The following FARP1 variants were observed in gnomAD, a reference collection of about 807,000 sequenced individuals.
The protein encoded by FARP1 is FERM, ARH/RhoGEF and pleckstrin domain protein 1.
Under a neutral mutation model 128.8 loss-of-function variants are expected in FARP1, and 52 were observed. The ratio of observed to expected loss-of-function variants is 0.40; its 90% CI spans 0.32 to 0.51. FARP1 has a LOEUF of 0.51. Ranked by LOEUF, FARP1 falls within the 20% of genes least tolerant of loss-of-function variation. FARP1 has a pLI of 0.45. For missense variants in FARP1, 1,333 were observed against 1,367.9 expected, an observed-to-expected ratio of 0.97 and a Z score of 0.40; for synonymous variants, 580 against 551.8, an observed-to-expected ratio of 1.05 and a Z score of -0.72.
intron 2 of FARP1, among the ~76,000 whole-genome samples, chr13:98,223,696 G>A (rs1881570974): frequency 6.6e-6 from 1 of 152,346 alleles, no homozygotes. Context: ...AGGATTCTTA[G>A]TGATTATGTA....
chr13:98,319,485 T>TA (rs1356317911), intron 2 of FARP1, among the ~76,000 whole-genome samples: 1 of 152,046 alleles, frequency 6.6e-6, no homozygotes, highest in African/African-American at 2.4e-5. Flanking sequence ...CCAGGCGTGG[T>TA]AGCAGGCACC....
At chr13:98,341,061 G>A (rs1472381540) in intron 2 of FARP1, 1 of 132,252 alleles carries the variant, frequency 7.6e-6, no homozygotes, top group Non-Finnish European at 1.6e-5. Context: ...CTAGAGCCTG[G>A]AGAGTTTGGG....
At chr13:98,439,771 G>A (rs1892446174) in intron 21 of FARP1, among the ~76,000 whole-genome samples, 190 bp from the exon 22 acceptor site, 2 of 152,278 alleles carry the variant, frequency 1.3e-5, no homozygotes, top group East Asian at 1.9e-4. Context: ...TCAGTGTGCC[G>A]CGATCTTCCT....
intron 2 of FARP1, among the ~76,000 whole-genome samples, chr13:98,272,241 G>A (rs73556883): frequency 0.046 from 6,959 of 152,078 alleles, 517 homozygotes; most frequent in African/African-American, 0.16. Context: ...TGTTGGCCAG[G>A]CTTGCCTTGA....
chr13:98,259,264 T>C (rs184320876), intron 2 of FARP1, among the ~76,000 whole-genome samples: 282 of 152,294 alleles, frequency 1.9e-3, no homozygotes, highest in Middle Eastern at 3.4e-3. Context: ...TGTGTATATA[T>C]AGAGTATATG....
At chr13:98,155,531 T>C (rs892817224) in intron 1 of FARP1, among the ~76,000 whole-genome samples, 4 of 151,922 alleles carry the variant, frequency 2.6e-5, no homozygotes, top group African/African-American at 7.3e-5. Context: ...ATTTTACTTA[T>C]TTATTTTTGA....
At chr13:98,365,558 T>G (rs1889047133) in intron 4 of FARP1, 121 bp downstream of exon 4, 1 of 622,874 alleles carries the variant, frequency 1.6e-6, no homozygotes, top group Non-Finnish European at 2.8e-6. Context: ...ACCCCATAAT[T>G]GCTTTTCATC....
At chr13:98,408,721 G>A (rs1453228655) in intron 13 of FARP1, among the ~76,000 whole-genome samples, 1 of 152,184 alleles carries the variant, frequency 6.6e-6, no homozygotes, top group African/African-American at 2.4e-5. Context: ...ATATAATGAC[G>A]TCTGCTTTTG....
rs150520872 is a variant in FARP1 at position 98,280,742 on chromosome 13, C to A, written c.172-63020C>A. ...TTCATCCCTCAACTTCTTTACTGAT[C>A]GTTTACTCAATTCCATTGACTCCAT... On this transcript the variant is annotated intron_variant, in intron 2 of 26. Coordinates refer to ENST00000319562, the MANE Select transcript of FARP1 (RefSeq NM_005766.4). Among the ~76,000 whole-genome samples, 363 of 152,306 alleles carry A rather than the reference C, an allele frequency of 2.4e-3. 2 individuals are homozygous for A. The highest frequency in any genetic ancestry group is 3.7e-3 in the Admixed American group (57 of 15,298).
chr13:98,261,481 A>G (rs1883878981), intron 2 of FARP1, among the ~76,000 whole-genome samples: 1 of 147,432 alleles, frequency 6.8e-6, no homozygotes, highest in Non-Finnish European at 1.5e-5. Context: ...CTCTCTATAG[A>G]TTTCAGTCAG....
intron 19 of FARP1, chr13:98,437,710 G>A: frequency 1.2e-6 from 1 of 860,252 alleles, no homozygotes; most frequent in Non-Finnish European, 2.0e-6. Flanking sequence ...CGTGAAGAAA[G>A]GCAGACCTGT....
At position 98,296,101 on chromosome 13, in the gene FARP1, G is replaced by A. The variant is rs559077144; in HGVS notation, c.172-47661G>A. On this transcript the variant is annotated intron_variant, in intron 2 of 26. Coordinates refer to ENST00000319562, the MANE Select transcript of FARP1 (RefSeq NM_005766.4). ...CATCAGAGCTTTGGGGATGAGACCC[G>A]AGCATCGATACATTATTTTAAAGAG... 3.3e-5 allele frequency among the ~76,000 whole-genome samples: 5 copies of A among 152,252 alleles called. No homozygotes were observed. In the South Asian group the frequency reaches 8.3e-4, roughly 25 times the overall value.
intron 24 of FARP1, among the ~76,000 whole-genome samples, chr13:98,441,649 C>T (rs1183487948): frequency 6.6e-6 from 1 of 152,198 alleles, no homozygotes; most frequent in Non-Finnish European, 1.5e-5. Flanking sequence ...AGTTTATAGC[C>T]AGCTCTTACA....
At chr13:98,370,038 G>A (rs1482937751) in intron 5 of FARP1, among the ~76,000 whole-genome samples, 1 of 152,206 alleles carries the variant, frequency 6.6e-6, no homozygotes, top group African/African-American at 2.4e-5. Context: ...CAGACAAAGC[G>A]ATTAAATAAA....
At chr13:98,306,816 GC>G (rs1341548583) in intron 2 of FARP1, among the ~76,000 whole-genome samples, 1 of 152,158 alleles carries the variant, frequency 6.6e-6, no homozygotes. Context: ...GAGCCACCGT[GC>G]CCGGCCTCTA....
intron 1 of FARP1, among the ~76,000 whole-genome samples, chr13:98,191,935 T>G (rs1385941948): frequency 2.0e-5 from 3 of 152,168 alleles, no homozygotes; most frequent in Non-Finnish European, 4.4e-5. Flanking sequence ...AGAGCAAGAC[T>G]CTGTCTTAAA....
intron 2 of FARP1, among the ~76,000 whole-genome samples, chr13:98,265,816 G>A (rs1028284117): frequency 7.2e-5 from 11 of 152,128 alleles, no homozygotes; most frequent in African/African-American, 1.7e-4. Context: ...ATCCTGTGGC[G>A]TGGGGATGCC....
chr13:98,430,394 C>G (rs1223024279), intron 17 of FARP1, among the ~76,000 whole-genome samples: 1 of 152,248 alleles, frequency 6.6e-6, no homozygotes, highest in Non-Finnish European at 1.5e-5. Flanking sequence ...CTCCCCCTAT[C>G]TGCCTGGAAG....
intron 2 of FARP1, among the ~76,000 whole-genome samples, chr13:98,249,819 G>T (rs151173408): frequency 6.6e-6 from 1 of 152,204 alleles, no homozygotes; most frequent in African/African-American, 2.4e-5. Context: ...CCCCGTGGTG[G>T]TATTGACAAC....
Sources: allele counts gnomAD v4.1 joint callset (sites outside exome capture counted in the v4.1 genomes callset), GRCh38; gene constraint gnomAD v4.1.1; transcripts MANE v1.5; gene names NCBI Gene and HGNC (gene_info 2026-07-23, HGNC 2026-07-21).